Variants in CENPP observed in about 807,000 individuals in gnomAD.
CENPP encodes centromere protein P.
A neutral mutation model predicts 35.6 loss-of-function variants in CENPP; 24 were observed. The ratio of observed to expected loss-of-function variants is 0.67; its 90% CI spans 0.49 to 0.95. The LOEUF is 0.95. Among genes scored for constraint, CENPP ranks in the 40% least tolerant of loss-of-function variants. The pLI is 0.00. For synonymous variants in CENPP, 120 were observed against 125.5 expected (o/e 0.96, Z 0.29); for missense variants, 332 against 345.3 (o/e 0.96, Z 0.31).
chr9:92,392,441 G>A (rs972882454), intron 5 of CENPP, among the ~76,000 whole-genome samples: 11 of 152,072 alleles, frequency 7.2e-5, no homozygotes, highest in African/African-American at 2.4e-4. Flanking sequence ...GGCCAACATG[G>A]TGAAACCCCA....
chr9:92,611,754 A>G (rs1416707929), intron 6 of CENPP, among the ~76,000 whole-genome samples: 1 of 152,186 alleles, frequency 6.6e-6, no homozygotes. Flanking sequence ...GAGAAGAAAC[A>G]GGACAGGCTT....
chr9:92,325,981 T>G lies in CENPP; in HGVS notation c.-18T>G, dbSNP rs1225597476. On this transcript the variant is annotated 5_prime_UTR_variant, in exon 1 of 8. Transcript: ENST00000375587. Reference sequence around the variant, plus strand: ...GTGACAGCTGCGCTGCCGGCCCGGCTGCGGTCAGCAACGCGCCATGGACGC... The same window carrying G: ...GTGACAGCTGCGCTGCCGGCCCGGCGGCGGTCAGCAACGCGCCATGGACGC... 6.5e-7 allele frequency: 1 copy of G among 1,543,724 alleles called. No individual in the cohort carries two copies. Among genetic ancestry groups the G allele is most frequent in the South Asian group, 1.2e-5 (1 of 83,884 alleles).
intron 4 of CENPP, among the ~76,000 whole-genome samples, chr9:92,374,120 A>AG: frequency 2.1e-5 from 1 of 48,102 alleles, no homozygotes; most frequent in South Asian, 8.6e-4. Flanking sequence ...AGCAGTGACC[A>AG]AAAAAAAAAA....
At chr9:92,567,373 G>GATATAGATATATAT (rs1849997624) in intron 5 of CENPP, among the ~76,000 whole-genome samples, 1 of 129,090 alleles carries the variant, frequency 7.7e-6, no homozygotes, top group Non-Finnish European at 1.6e-5. Context: ...ACATAAGATA[G>GATATAGATATATAT]ATATATATAT....
chr9:92,334,371 G>A (rs1164187609), intron 2 of CENPP, among the ~76,000 whole-genome samples: 3 of 151,974 alleles, frequency 2.0e-5, no homozygotes, highest in Non-Finnish European at 4.4e-5. Flanking sequence ...CGCCTGCCTC[G>A]GTCTCCCAAA....
chr9:92,466,946 T>C (rs1218269284), intron 5 of CENPP, among the ~76,000 whole-genome samples: 1 of 152,192 alleles, frequency 6.6e-6, no homozygotes, highest in Non-Finnish European at 1.5e-5. Flanking sequence ...CAAAACTATG[T>C]TTAGTGCACA....
intron 5 of CENPP, among the ~76,000 whole-genome samples, chr9:92,397,468 A>G (rs1046926392): frequency 3.9e-5 from 6 of 152,130 alleles, no homozygotes; most frequent in Non-Finnish European, 7.4e-5. Context: ...CTGGGATTAC[A>G]GACATGTGCC....
chr9:92,326,045 C>T lies in CENPP; in HGVS notation c.47C>T (p.Ala16Val). The change falls in exon 1 of 8, where the codon GCG becomes GTG. Residue 16 changes from alanine (A) to valine (V), a missense_variant. By Grantham distance (64) the Ala-to-Val change is moderately conservative. Transcript: ENST00000375587. ...AEVRALQAEI[A>V]ALRRACEDPP... is the part of the protein sequence containing the mutation. ...GTGCGCGCCTTGCAAGCTGAGATCG[C>T]GGCCCTGCGGCGAGCGTGTGAGGAC... 6 of 1,562,602 alleles carry T rather than the reference C, an allele frequency of 3.8e-6. No homozygotes were observed. Among genetic ancestry groups the T allele is most frequent in the East Asian group, 2.4e-5 (1 of 41,394 alleles).
intron 5 of CENPP, chr9:92,401,141 T>C: frequency 6.4e-7 from 1 of 1,562,842 alleles, no homozygotes; most frequent in Non-Finnish European, 8.8e-7. Flanking sequence ...CATCTTTTTG[T>C]AATTGAAGAC....
chr9:92,466,551 G>C lies in CENPP; in HGVS notation c.564+86692G>C, dbSNP rs757082299. ...CTTTTGGGTGAATCTTCGTTAGCTTGTTGTTGTTCAGGATCAGACCCTTGA... is the reference window on the plus strand; with the variant it reads ...CTTTTGGGTGAATCTTCGTTAGCTTCTTGTTGTTCAGGATCAGACCCTTGA... On this transcript the variant is annotated intron_variant, in intron 5 of 7. Coordinates refer to ENST00000375587, the MANE Select transcript of CENPP (RefSeq NM_001012267.3). The C allele has an allele frequency of 3.1e-6, 5 of 1,613,780 alleles. No individual in the cohort carries two copies. The East Asian group carries it at 6.7e-5, about 22-fold the overall frequency.
At chr9:92,364,484 T>C (rs903629272) in intron 4 of CENPP, among the ~76,000 whole-genome samples, 3 of 152,312 alleles carry the variant, frequency 2.0e-5, no homozygotes, top group East Asian at 1.9e-4. Context: ...CTGAGTACTT[T>C]GGAGGCATTT....
intron 2 of CENPP, among the ~76,000 whole-genome samples, chr9:92,333,853 T>A (rs1307759147): frequency 6.6e-6 from 1 of 151,990 alleles, no homozygotes; most frequent in Non-Finnish European, 1.5e-5. Context: ...AGACACAGTT[T>A]CTGTGGTGTG....
In CENPP at chr9:92,618,140, G is replaced by A. The variant is rs1851501670; in HGVS notation, c.*4991G>A. Reference sequence around the variant, plus strand: ...ACTGCGCACACCTTCCTGGAAGCAGGCCCAGCCCCACACGCCATGTTCTCG... The same window carrying A: ...ACTGCGCACACCTTCCTGGAAGCAGACCCAGCCCCACACGCCATGTTCTCG... On this transcript the variant is annotated 3_prime_UTR_variant, in exon 8 of 8. Transcript: ENST00000375587. 2.3e-6 allele frequency: 1 copy of A among 433,014 alleles called. No homozygotes were observed. The highest frequency in any genetic ancestry group is 4.7e-6 in the Non-Finnish European group (1 of 214,626). 26.8% of individuals were successfully genotyped at this position (433,014 alleles called of 1,614,324 possible). A position where few individuals can be genotyped will look rare whatever the true frequency, so the allele number is the denominator to read the frequency against.
At chr9:92,342,273 T>C (rs1841145214) in intron 3 of CENPP, among the ~76,000 whole-genome samples, 1 of 152,254 alleles carries the variant, frequency 6.6e-6, no homozygotes, top group Non-Finnish European at 1.5e-5. Flanking sequence ...CTTGGCCATA[T>C]GGCCAGTGAA....
At chr9:92,474,985 C>G (rs1439162469) in intron 5 of CENPP, 4 of 1,428,308 alleles carry the variant, frequency 2.8e-6, no homozygotes, top group Non-Finnish European at 2.8e-6. Context: ...ATATACATTT[C>G]TCAGTTCTGG....
At chr9:92,525,893 C>CAAAAA (rs71362395) in intron 5 of CENPP, among the ~76,000 whole-genome samples, 7 of 43,898 alleles carry the variant, frequency 1.6e-4, no homozygotes, top group African/African-American at 5.1e-4. Flanking sequence ...ACTCTATCTC[C>CAAAAA]AAAAAAAAAA....
intron 5 of CENPP, among the ~76,000 whole-genome samples, chr9:92,547,249 C>CT: frequency 6.6e-6 from 1 of 152,172 alleles, no homozygotes. Flanking sequence ...AAGGGAACAT[C>CT]TTTAGTCTGA....
chr9:92,352,510 CATATATATATAT>C (rs67070835), intron 4 of CENPP, among the ~76,000 whole-genome samples: 1 of 50,430 alleles, frequency 2.0e-5, no homozygotes, highest in Admixed American at 2.1e-4. Context: ...TGTGTGTATA[CATATATATATAT>C]ATATATATAT....
intron 5 of CENPP, among the ~76,000 whole-genome samples, chr9:92,563,727 A>G (rs911308358): frequency 2.0e-5 from 3 of 151,666 alleles, no homozygotes; most frequent in Non-Finnish European, 1.5e-5. Flanking sequence ...TCCCTTCTTA[A>G]TCTCTTTGGC....
Sources: gnomAD v4.1 joint callset for allele counts (sites outside exome capture counted in the v4.1 genomes callset) on GRCh38, gnomAD v4.1.1 for gene constraint, MANE v1.5 for transcripts, NCBI Gene and HGNC (gene_info 2026-07-23, HGNC 2026-07-21) for gene names.